The following PRKCD variants were observed in gnomAD, a reference collection of about 807,000 sequenced individuals.
PRKCD encodes protein kinase C delta type.
A neutral mutation model predicts 82.2 loss-of-function variants in PRKCD; 20 were observed. The ratio of observed to expected loss-of-function variants is 0.24; its 90% CI spans 0.17 to 0.35. The LOEUF (loss-of-function observed/expected upper bound fraction) is 0.35, where lower values mean the gene tolerates loss of function less well. Ranked by LOEUF, PRKCD falls within the 10% of genes least tolerant of loss-of-function variation. The pLI is 1.00. For missense variants in PRKCD, 607 were observed against 899.0 expected, an observed-to-expected ratio of 0.68 and a Z score of 4.15; for synonymous variants, 317 against 337.0, an observed-to-expected ratio of 0.94 and a Z score of 0.65.
intron 2 of PRKCD, among the ~76,000 whole-genome samples, chr3:53,175,140 A>G (rs1703171644): frequency 6.6e-6 from 1 of 152,040 alleles, no homozygotes; most frequent in African/African-American, 2.4e-5. Context: ...GGTGGCTGGG[A>G]GGAGGACCTG....
intron 15 of PRKCD, among the ~76,000 whole-genome samples, chr3:53,187,660 C>T (rs1553669567): frequency 1.3e-5 from 2 of 152,198 alleles, no homozygotes; most frequent in Non-Finnish European, 2.9e-5. Context: ...TTGGAGCCGT[C>T]AGTCTCGCTC....
chr3:53,171,214 G>A (rs1397852921), intron 2 of PRKCD, among the ~76,000 whole-genome samples: 1 of 152,166 alleles, frequency 6.6e-6, no homozygotes, highest in Non-Finnish European at 1.5e-5. Flanking sequence ...CTCTCTCAGG[G>A]GTACCTGGGG....
intron 2 of PRKCD, among the ~76,000 whole-genome samples, chr3:53,172,742 C>A (rs1199612954): frequency 2.0e-5 from 3 of 152,204 alleles, no homozygotes; most frequent in Non-Finnish European, 4.4e-5. Context: ...CTTTGACTGA[C>A]CTCAGCCTGT....
rs573424619 is a variant in PRKCD, at chr3:53,182,201, C to T, written c.571+469C>T. On this transcript the variant is annotated intron_variant, in intron 7 of 18. Transcript: ENST00000330452. Reference sequence around the variant, plus strand: ...GACTGCCTGGGTTTGAATCCCAGCTCTACCACTTCCTAGCTATAGGGCCTT... The same window carrying T: ...GACTGCCTGGGTTTGAATCCCAGCTTTACCACTTCCTAGCTATAGGGCCTT... Among the ~76,000 whole-genome samples, 4 of 152,294 alleles carry T rather than the reference C, an allele frequency of 2.6e-5. No individual in the cohort carries two copies. In the South Asian group the frequency reaches 8.3e-4, roughly 32 times the overall value.
intron 9 of PRKCD, among the ~76,000 whole-genome samples, chr3:53,183,893 G>C (rs1435641402): frequency 2.0e-5 from 3 of 152,258 alleles, no homozygotes; most frequent in Non-Finnish European, 4.4e-5. Flanking sequence ...CACACCGACA[G>C]GCGCCCAGAC....
At chr3:53,184,689 AAAG>A (rs1219233679) in intron 9 of PRKCD, among the ~76,000 whole-genome samples, 182 bp from the exon 10 acceptor site, 5 of 150,908 alleles carry the variant, frequency 3.3e-5, no homozygotes, top group African/African-American at 4.9e-5. Flanking sequence ...AAAAAAAAAA[AAAG>A]AGAGAGAGAG....
At chr3:53,184,668 T>C (rs1575539828) in intron 9 of PRKCD, among the ~76,000 whole-genome samples, 2 of 104,462 alleles carry the variant, frequency 1.9e-5, no homozygotes, top group African/African-American at 6.7e-5. Context: ...AGAGGGAAAC[T>C]CCATCTCAAA....
Position 53,186,241 on chromosome 3 carries a change from C to T in PRKCD, c.1161C>T (p.Ile387=), listed in dbSNP as rs782384878. The T allele has an allele frequency of 1.2e-5, 20 of 1,614,124 alleles. No homozygotes were observed. Among genetic ancestry groups the T allele is most frequent in the South Asian group, 6.6e-5 (6 of 91,078 alleles). ...CCCTCAAGAAGGATGTGGTCCTGATCGACGACGACGTGGAGTGCACCATGG... is the reference window on the plus strand; with the variant it reads ...CCCTCAAGAAGGATGTGGTCCTGATTGACGACGACGTGGAGTGCACCATGG... ...IKALKKDVVL[I]DDDVECTMVE... is the part of the protein sequence containing the mutation. The change falls in exon 13 of 19, where the codon ATC becomes ATT. Residue 387 remains isoleucine, a synonymous_variant. Coordinates refer to ENST00000330452, the MANE Select transcript of PRKCD (RefSeq NM_006254.4).
At chr3:53,184,675 CAAA>C (rs535517121) in intron 9 of PRKCD, among the ~76,000 whole-genome samples, 196 bp from the exon 10 acceptor site, 4 of 116,806 alleles carry the variant, frequency 3.4e-5, no homozygotes, top group African/African-American at 3.7e-5. Context: ...AACTCCATCT[CAAA>C]AAAAAAAAAA....
chr3:53,183,061 C>T (rs1047285820), intron 7 of PRKCD, 60 bp from the exon 8 acceptor site: 1 of 1,563,744 alleles, frequency 6.4e-7, no homozygotes, highest in Non-Finnish European at 8.8e-7. Context: ...GGCACCAGCT[C>T]ATAGACTCTG....
intron 17 of PRKCD, 30 bp from the exon 18 acceptor site, chr3:53,189,843 G>A (rs1703857385): frequency 6.2e-7 from 1 of 1,613,810 alleles, no homozygotes; most frequent in Non-Finnish European, 8.5e-7. Context: ...TGGCCCTTGG[G>A]TGCTAACCAG....
Position 53,192,285 on chromosome 3 carries a change from G to C in PRKCD, c.*19G>C, listed in dbSNP as rs1703954139. 1 of 1,612,852 alleles carries C rather than the reference G, an allele frequency of 6.2e-7. No homozygotes were observed. The highest frequency in any genetic ancestry group is 1.7e-4 in the Middle Eastern group (1 of 6,054). On this transcript the variant is annotated 3_prime_UTR_variant, in exon 19 of 19. Transcript: ENST00000330452. ...AGATTGAGGTTCCTGGACAGATCAG[G>C]CTAGCCCTGCCCTCCACCCACACCT...
In PRKCD at chr3:53,185,921, G is replaced by A. The variant is rs577347273; in HGVS notation, c.986-6G>A. 3.1e-6 allele frequency: 5 copies of A among 1,614,034 alleles called. No individual in the cohort carries two copies. Among genetic ancestry groups the A allele is most frequent in the East Asian group, 2.2e-5 (1 of 44,888 alleles). On this transcript the variant is annotated splice_polypyrimidine_tract_variant and splice_region_variant and intron_variant, in intron 11 of 18. Transcript: ENST00000330452. ...CCGATCTGAGGAGGTGCCATCTCTCGGGCAGACAACAGTGGGACCTACGGC... is the reference window on the plus strand; with the variant it reads ...CCGATCTGAGGAGGTGCCATCTCTCAGGCAGACAACAGTGGGACCTACGGC...
At chr3:53,187,634 A>G (rs967384921) in intron 15 of PRKCD, among the ~76,000 whole-genome samples, 1 of 152,142 alleles carries the variant, frequency 6.6e-6, no homozygotes, top group Non-Finnish European at 1.5e-5. Context: ...ATTTGACACC[A>G]TCGCCCCACC....
chr3:53,183,420 T>G, intron 8 of PRKCD, 32 bp from the exon 9 acceptor site: 1 of 1,612,606 alleles, frequency 6.2e-7, no homozygotes, highest in Non-Finnish European at 8.5e-7. Context: ...AGCTGGCACG[T>G]GACCCTCAGC....
At chr3:53,163,448 C>G (rs1277002565) in intron 1 of PRKCD, among the ~76,000 whole-genome samples, 1 of 151,850 alleles carries the variant, frequency 6.6e-6, no homozygotes, top group Non-Finnish European at 1.5e-5. Flanking sequence ...GAGGGCAAGT[C>G]TTGGGGTTTG....
chr3:53,178,381 GCCTCACC>G lies in PRKCD; in HGVS notation c.-19-18_-19-12del. On this transcript the variant is annotated splice_polypyrimidine_tract_variant and intron_variant, in intron 2 of 18. Coordinates refer to ENST00000330452, the MANE Select transcript of PRKCD (RefSeq NM_006254.4). Reference sequence around the variant, plus strand: ...CCCGCTGGTCCCGCCCGGCCGCCTGGCCTCACCCCTCTGTGTGCACAGCCCCACTGCA... The same window carrying G: ...CCCGCTGGTCCCGCCCGGCCGCCTGGCCTCTGTGTGCACAGCCCCACTGCA... 6.4e-7 allele frequency: 1 copy of G among 1,562,374 alleles called. No homozygotes were observed. Among genetic ancestry groups the G allele is most frequent in the Middle Eastern group, 2.3e-4 (1 of 4,418 alleles).
intron 1 of PRKCD, among the ~76,000 whole-genome samples, chr3:53,161,813 C>T (rs887161179): frequency 2.7e-5 from 4 of 150,914 alleles, no homozygotes; most frequent in Non-Finnish European, 4.4e-5. Context: ...CCTCGCCACC[C>T]GATCCGTCCG....
At position 53,179,486 on chromosome 3, in the gene PRKCD, G is replaced by A. The variant is rs1462080012; in HGVS notation, c.116-91G>A. 2.7e-5 allele frequency: 41 copies of A among 1,529,462 alleles called. 1 individual carries two copies. Among genetic ancestry groups the A allele is most frequent in the African/African-American group, 1.6e-4 (12 of 73,142 alleles). 94.7% of individuals were successfully genotyped at this position (1,529,462 alleles called of 1,614,324 possible). On this transcript the variant is annotated intron_variant, in intron 3 of 18. Coordinates refer to ENST00000330452, the MANE Select transcript of PRKCD (RefSeq NM_006254.4). Reference sequence around the variant, plus strand: ...AGCAGGCCCTCAAGGCAGGAGAGTCGGGCAGATTCTGCCAGGGGAAGGCCG... The same window carrying A: ...AGCAGGCCCTCAAGGCAGGAGAGTCAGGCAGATTCTGCCAGGGGAAGGCCG...
Sources: allele counts gnomAD v4.1 joint callset (sites outside exome capture counted in the v4.1 genomes callset), GRCh38; gene constraint gnomAD v4.1.1; transcripts MANE v1.5; gene names NCBI Gene and HGNC (gene_info 2026-07-23, HGNC 2026-07-21).